The following LRP1B variants were observed in gnomAD, a reference collection of about 807,000 sequenced individuals.
The protein encoded by LRP1B is LDL receptor related protein 1B, also known as low-density lipoprotein receptor-related protein 1B.
LRP1B carries 217 observed loss-of-function variants against 556.6 expected under a neutral mutation model. That is an observed-to-expected ratio of 0.39 (90% CI 0.35 to 0.44). The LOEUF (loss-of-function observed/expected upper bound fraction) is 0.44, where lower values mean the gene tolerates loss of function less well. Ranked by LOEUF, LRP1B falls within the 20% of genes least tolerant of loss-of-function variation. LRP1B has a pLI of 1.00. For missense variants in LRP1B, 5,053 were observed against 5,620.8 expected (o/e 0.90, Z 3.23); for synonymous variants, 2,047 against 1,865.8 (o/e 1.10, Z -2.50).
intron 2 of LRP1B, among the ~76,000 whole-genome samples, chr2:141,762,447 T>A (rs747888747): frequency 9.2e-5 from 14 of 152,074 alleles, no homozygotes; most frequent in Non-Finnish European, 1.8e-4. Context: ...ATGCTTTACA[T>A]AGCATATTTA....
rs141364876 is a variant in LRP1B at position 141,538,495 on chromosome 2, T to C, written c.206-57962A>G. ...CTAGCAATCTATTACAACTGAGTTA[T>C]AGATCATTCAGACTTTGAAAATATG... is the stretch of plus-strand genomic sequence containing the variant. On this transcript the variant is annotated intron_variant, in intron 2 of 90. Coordinates refer to ENST00000389484, the MANE Select transcript of LRP1B (RefSeq NM_018557.3). Among the ~76,000 whole-genome samples the C allele has an allele frequency of 2.5e-3, 376 of 152,248 alleles. 2 individuals carry two copies. The highest frequency in any genetic ancestry group is 8.8e-3 in the African/African-American group (364 of 41,566).
At chr2:141,840,216 G>T (rs187399049) in intron 1 of LRP1B, among the ~76,000 whole-genome samples, 94 of 146,246 alleles carry the variant, frequency 6.4e-4, no homozygotes, top group African/African-American at 2.2e-3. Context: ...AAAACCCATA[G>T]AAACCCTAGG....
intron 16 of LRP1B, among the ~76,000 whole-genome samples, chr2:140,991,589 A>T (rs1344775403): frequency 1.3e-5 from 2 of 152,110 alleles, no homozygotes; most frequent in East Asian, 3.9e-4. Flanking sequence ...ACACTACAAC[A>T]TAAGGTGTCT....
At chr2:140,550,513 TTTC>T (rs749087016) in intron 43 of LRP1B, among the ~76,000 whole-genome samples, 3 of 152,180 alleles carry the variant, frequency 2.0e-5, no homozygotes, top group Non-Finnish European at 4.4e-5. Flanking sequence ...AAGAGAGTTC[TTTC>T]TTAAGTTCTC....
chr2:141,275,242 C>G (rs1685242326), intron 3 of LRP1B, among the ~76,000 whole-genome samples: 1 of 152,072 alleles, frequency 6.6e-6, no homozygotes, highest in Non-Finnish European at 1.5e-5. Flanking sequence ...GTTCAGCTCT[C>G]TAGATAATAT....
intron 59 of LRP1B, among the ~76,000 whole-genome samples, chr2:140,479,170 T>C (rs1558910379): frequency 6.6e-6 from 1 of 152,168 alleles, no homozygotes. Context: ...AGCTAACTTC[T>C]GATGGCTAGA....
At chr2:141,642,225 C>T (rs1689363424) in intron 2 of LRP1B, among the ~76,000 whole-genome samples, 1 of 152,078 alleles carries the variant, frequency 6.6e-6, no homozygotes, top group Non-Finnish European at 1.5e-5. Flanking sequence ...TAATTAACTT[C>T]ACAAAATTAA....
chr2:140,418,480 A>G (rs540865637), intron 66 of LRP1B, among the ~76,000 whole-genome samples: 1 of 152,256 alleles, frequency 6.6e-6, no homozygotes, highest in East Asian at 1.9e-4. Context: ...AAAGCTTCAA[A>G]TCTTCATATG....
chr2:141,596,915 T>C (rs921516436), intron 2 of LRP1B, among the ~76,000 whole-genome samples: 3 of 152,008 alleles, frequency 2.0e-5, no homozygotes, highest in Non-Finnish European at 4.4e-5. Context: ...TGATGAATGG[T>C]TATTTTATGA....
chr2:141,147,349 A>G (rs1331324334), intron 7 of LRP1B, among the ~76,000 whole-genome samples: 1 of 152,140 alleles, frequency 6.6e-6, no homozygotes, highest in African/African-American at 2.4e-5. Context: ...GAGGACCCTG[A>G]TACAAGAGCT....
At chr2:141,590,387 A>G (rs1441413015) in intron 2 of LRP1B, among the ~76,000 whole-genome samples, 1 of 152,148 alleles carries the variant, frequency 6.6e-6, no homozygotes, top group African/African-American at 2.4e-5. Flanking sequence ...AAACTTTCGT[A>G]CAGCAAAAGC....
At chr2:140,579,115 T>C (rs1681656538) in intron 43 of LRP1B, among the ~76,000 whole-genome samples, 2 of 152,078 alleles carry the variant, frequency 1.3e-5, no homozygotes, top group South Asian at 4.2e-4. Flanking sequence ...TTAAACTCCT[T>C]GAACTAAGTA....
intron 2 of LRP1B, among the ~76,000 whole-genome samples, chr2:141,797,180 T>A (rs1695849572): frequency 2.4e-5 from 3 of 124,808 alleles, no homozygotes; most frequent in East Asian, 2.6e-4. Flanking sequence ...TATATATATA[T>A]ATATATAACT....
At chr2:141,291,470 G>GA (rs1685944543) in intron 3 of LRP1B, among the ~76,000 whole-genome samples, 2 of 151,906 alleles carry the variant, frequency 1.3e-5, no homozygotes, top group Admixed American at 1.3e-4. Flanking sequence ...GTAAATATGT[G>GA]AAAACCACAG....
chr2:141,803,390 G>A (rs763105409), intron 2 of LRP1B, among the ~76,000 whole-genome samples: 1 of 151,538 alleles, frequency 6.6e-6, no homozygotes, highest in Admixed American at 6.6e-5. Flanking sequence ...TATCCCCCCT[G>A]CATATCAACT....
chr2:141,043,235 T>C (rs1270022596), intron 11 of LRP1B, among the ~76,000 whole-genome samples: 3 of 72,166 alleles, frequency 4.2e-5, no homozygotes, highest in Admixed American at 1.6e-4. Context: ...TTAAAATAAA[T>C]AAACAAATAA....
At chr2:141,874,093 T>G (rs1436932131) in intron 1 of LRP1B, among the ~76,000 whole-genome samples, 4 of 61,496 alleles carry the variant, frequency 6.5e-5, no homozygotes, top group African/African-American at 1.7e-4. Flanking sequence ...AATTTTTTTT[T>G]TTTTTTTTTT....
At chr2:141,361,440 T>C (rs1031874140) in intron 3 of LRP1B, among the ~76,000 whole-genome samples, 4 of 152,184 alleles carry the variant, frequency 2.6e-5, no homozygotes, top group Admixed American at 1.3e-4. Flanking sequence ...TATGCTGTTA[T>C]ACAAATTCTA....
At chr2:140,697,220 T>C (rs558006917) in intron 41 of LRP1B, among the ~76,000 whole-genome samples, 1 of 152,244 alleles carries the variant, frequency 6.6e-6, no homozygotes, top group South Asian at 2.1e-4. Flanking sequence ...TGATTGTATG[T>C]ATACTTTAAT....
Sources: allele counts gnomAD v4.1 joint callset (sites outside exome capture counted in the v4.1 genomes callset), GRCh38; gene constraint gnomAD v4.1.1; transcripts MANE v1.5; gene names NCBI Gene and HGNC (gene_info 2026-07-23, HGNC 2026-07-21).